The following VWA8 variants were observed in gnomAD, a reference collection of about 807,000 sequenced individuals.
The protein encoded by VWA8 is von Willebrand factor A domain-containing protein 8.
Under a neutral mutation model 241.5 loss-of-function variants are expected in VWA8, and 221 were observed. That is an observed-to-expected ratio of 0.91 (90% CI 0.82 to 1.02). The LOEUF (loss-of-function observed/expected upper bound fraction) is 1.02. Ranked by LOEUF, VWA8 falls within the 50% of genes least tolerant of loss-of-function variation. VWA8 has a pLI of 0.00. For missense variants in VWA8, 2,322 were observed against 2,328.7 expected (o/e 1.00, Z 0.06); for synonymous variants, 852 against 827.1 (o/e 1.03, Z -0.52).
intron 2 of VWA8, among the ~76,000 whole-genome samples, chr13:41,915,184 A>C (rs988098254): frequency 3.3e-5 from 5 of 152,218 alleles, no homozygotes; most frequent in African/African-American, 1.2e-4. Context: ...AAAAGCATGG[A>C]GTTATTTAAA....
In VWA8 at chr13:41,692,878, C is replaced by T. The variant is rs891838818; in HGVS notation, c.3659G>A (p.Trp1220Ter). 3.7e-6 allele frequency: 6 copies of T among 1,610,352 alleles called. No individual in the cohort carries two copies. Among genetic ancestry groups the T allele is most frequent in the East Asian group, 2.2e-5 (1 of 44,758 alleles). The part of the protein sequence containing the change: ...EKFTSKKPFW[W>*]NKEEAETYKM... ...GTTTCTTACAGCTTCTTCTTTGTTC[C>T]ACCAGAAAGGTTTCTTAGATGTAAA... Residue 1220 changes from tryptophan to a stop codon, truncating the protein, a stop_gained, in exon 30 of 45, where the codon TGG (tryptophan) becomes TAG (stop). Coordinates refer to ENST00000379310, the MANE Select transcript of VWA8 (RefSeq NM_015058.2). LOFTEE classifies it high-confidence loss of function.
chr13:41,612,131 T>C (rs893264883), intron 38 of VWA8, among the ~76,000 whole-genome samples: 4 of 152,238 alleles, frequency 2.6e-5, no homozygotes, highest in African/African-American at 9.6e-5. Context: ...ACTTAGTATA[T>C]ATTTGCTAAT....
chr13:41,639,862 A>G (rs1362251356), intron 37 of VWA8, among the ~76,000 whole-genome samples: 1 of 152,128 alleles, frequency 6.6e-6, no homozygotes, highest in Non-Finnish European at 1.5e-5. Flanking sequence ...AATAATATGT[A>G]CACCAAACCC....
intron 9 of VWA8, among the ~76,000 whole-genome samples, chr13:41,874,049 T>G (rs1193771493): frequency 1.3e-5 from 2 of 152,014 alleles, no homozygotes; most frequent in Admixed American, 1.3e-4. Context: ...TCAATAAATG[T>G]AATCCAGCAT....
intron 37 of VWA8, among the ~76,000 whole-genome samples, chr13:41,640,127 T>A (rs773678408): frequency 6.6e-6 from 1 of 152,174 alleles, no homozygotes; most frequent in African/African-American, 2.4e-5. Context: ...TCTTCTTAGA[T>A]ACAAAAGACA....
At chr13:41,581,920 A>C (rs995427446) in intron 42 of VWA8, among the ~76,000 whole-genome samples, 1 of 152,214 alleles carries the variant, frequency 6.6e-6, no homozygotes, top group Non-Finnish European at 1.5e-5. Context: ...ATTGGAATGA[A>C]GGTTAAGGAA....
At chr13:41,841,775 ACT>A (rs1222482309) in intron 12 of VWA8, among the ~76,000 whole-genome samples, 3 of 95,946 alleles carry the variant, frequency 3.1e-5, no homozygotes, top group East Asian at 6.9e-4. Context: ...ACAGAGCGAG[ACT>A]CTGTCTCAAA....
At position 41,603,760 on chromosome 13, in the gene VWA8, C is replaced by CT. The variant is rs1298766812; in HGVS notation, c.4986+1407dup. ...CCTTCTCTGAACTCACTGTGCTCTC[C>CT]TATACCTCTGTGCACTTGTGCATAC... On this transcript the variant is annotated intron_variant, in intron 40 of 44. Coordinates refer to ENST00000379310, the MANE Select transcript of VWA8 (RefSeq NM_015058.2). Among the ~76,000 whole-genome samples, 10 of 152,294 alleles carry CT rather than the reference C, an allele frequency of 6.6e-5. No homozygotes were observed. In the East Asian group the frequency reaches 1.9e-3, roughly 29 times the overall value.
chr13:41,704,727 C>T (rs1250346613), intron 26 of VWA8, among the ~76,000 whole-genome samples: 3 of 152,068 alleles, frequency 2.0e-5, no homozygotes, highest in Admixed American at 1.3e-4. Flanking sequence ...CTTCAGCCTC[C>T]GAAAGTGCTG....
chr13:41,828,311 A>T (rs781737685), intron 14 of VWA8, among the ~76,000 whole-genome samples: 1 of 152,230 alleles, frequency 6.6e-6, no homozygotes, highest in Non-Finnish European at 1.5e-5. Context: ...AAATGTTTTA[A>T]ATAGGGCAGT....
rs1395732039 is a variant in VWA8, at chr13:41,786,218, A to G, written c.2170+1219T>C. On this transcript the variant is annotated intron_variant, in intron 18 of 44. Coordinates refer to ENST00000379310, the MANE Select transcript of VWA8 (RefSeq NM_015058.2). ...AAGATACATATTCTGGTTTCTCTAT[A>G]TATATAATGATGTAAAATCAGAATT... 2.6e-5 allele frequency among the ~76,000 whole-genome samples: 4 copies of G among 152,270 alleles called. No individual in the cohort carries two copies. In the South Asian group the frequency reaches 6.2e-4, roughly 24 times the overall value.
chr13:41,575,672 G>A (rs2044346220), intron 43 of VWA8, 68 bp downstream of exon 43: 1 of 1,158,282 alleles, frequency 8.6e-7, no homozygotes, highest in African/African-American at 1.6e-5. Context: ...CTGCTTCAAT[G>A]AATCCTTTTA....
At chr13:41,655,489 CAGAGAG>C (rs34381157) in intron 37 of VWA8, among the ~76,000 whole-genome samples, 2,082 of 148,196 alleles carry the variant, frequency 0.014, 33 homozygotes, top group Admixed American at 0.025. Flanking sequence ...TACAGAGAGA[CAGAGAG>C]AGAGAGAGAG....
chr13:41,579,959 A>C (rs192801699), intron 42 of VWA8, among the ~76,000 whole-genome samples: 24 of 151,228 alleles, frequency 1.6e-4, no homozygotes, highest in African/African-American at 5.3e-4. Flanking sequence ...TAATCCTCTC[A>C]TTTCAGCCTC....
At chr13:41,690,801 G>C (rs2045171507) in intron 32 of VWA8, among the ~76,000 whole-genome samples, 5 of 152,122 alleles carry the variant, frequency 3.3e-5, no homozygotes, top group Admixed American at 3.3e-4. Context: ...TTGTGCATGA[G>C]GGAAGGTGCT....
intron 35 of VWA8, among the ~76,000 whole-genome samples, chr13:41,678,350 G>A (rs1179402865): frequency 2.0e-5 from 3 of 152,200 alleles, no homozygotes; most frequent in South Asian, 4.1e-4. Flanking sequence ...TATGCTTATC[G>A]TAAGCCACAC....
At chr13:41,856,105 G>A (rs2138036336) in intron 12 of VWA8, among the ~76,000 whole-genome samples, 1 of 152,286 alleles carries the variant, frequency 6.6e-6, no homozygotes, top group African/African-American at 2.4e-5. Flanking sequence ...GGAGGCCAAG[G>A]TGGGCAGATC....
chr13:41,881,790 C>T (rs1593841565), intron 9 of VWA8, among the ~76,000 whole-genome samples: 1 of 146,746 alleles, frequency 6.8e-6, no homozygotes, highest in Non-Finnish European at 1.5e-5. Context: ...TCCTCACTTC[C>T]CAGTAGGGGC....
At chr13:41,733,706 T>G (rs1026126864) in intron 21 of VWA8, among the ~76,000 whole-genome samples, 6 of 152,004 alleles carry the variant, frequency 3.9e-5, no homozygotes, top group African/African-American at 1.4e-4. Flanking sequence ...ATCCCCCAAT[T>G]CGGCCCTTAA....
Sources: gnomAD v4.1 joint callset for allele counts (sites outside exome capture counted in the v4.1 genomes callset) on GRCh38, gnomAD v4.1.1 for gene constraint, MANE v1.5 for transcripts, NCBI Gene and HGNC (gene_info 2026-07-23, HGNC 2026-07-21) for gene names.